The following RABGAP1L variants were observed in gnomAD, a reference collection of about 807,000 sequenced individuals.
RABGAP1L encodes the protein rab GTPase-activating protein 1-like.
Under a neutral mutation model 137.7 loss-of-function variants are expected in RABGAP1L, and 63 were observed. The ratio of observed to expected loss-of-function variants is 0.46; its 90% CI spans 0.37 to 0.56. The LOEUF (loss-of-function observed/expected upper bound fraction) is 0.56. RABGAP1L is among the 20% of genes least tolerant of loss of function. The pLI, the probability that RABGAP1L is intolerant of heterozygous loss-of-function variation, is 0.00. For missense variants in RABGAP1L, 1,095 were observed against 1,244.0 expected (o/e 0.88, Z 1.80); for synonymous variants, 431 against 433.7 (o/e 0.99, Z 0.08).
chr1:174,274,606 CTGTGTGTG>C (rs61468070), intron 8 of RABGAP1L, among the ~76,000 whole-genome samples: 13 of 146,058 alleles, frequency 8.9e-5, no homozygotes, highest in Non-Finnish European at 1.5e-4. Flanking sequence ...ACAGGTGACT[CTGTGTGTG>C]TGTGTGTGTG....
chr1:174,244,181 T>C (rs912828113), intron 5 of RABGAP1L: 2 of 152,244 alleles, frequency 1.3e-5, no homozygotes, highest in African/African-American at 4.8e-5. Flanking sequence ...TGAGTGCCTC[T>C]TGATGGGCAC....
chr1:174,535,752 A>G (rs891296082), intron 13 of RABGAP1L, among the ~76,000 whole-genome samples: 2 of 152,210 alleles, frequency 1.3e-5, no homozygotes, highest in Admixed American at 6.5e-5. Flanking sequence ...AATTGTAGTT[A>G]TGAAAAATGC....
intron 13 of RABGAP1L, among the ~76,000 whole-genome samples, chr1:174,557,859 G>A (rs543215896): frequency 4.6e-5 from 7 of 152,274 alleles, no homozygotes; most frequent in South Asian, 2.1e-4. Flanking sequence ...AAGATGATGC[G>A]GCCATGGAAA....
At chr1:174,540,284 G>A (rs772038653) in intron 13 of RABGAP1L, among the ~76,000 whole-genome samples, 1 of 152,146 alleles carries the variant, frequency 6.6e-6, no homozygotes, top group Non-Finnish European at 1.5e-5. Flanking sequence ...TTGTGCAGAA[G>A]CTCTTTAGTT....
intron 14 of RABGAP1L, among the ~76,000 whole-genome samples, chr1:174,640,384 T>G (rs1674433256): frequency 6.6e-6 from 1 of 152,156 alleles, no homozygotes; most frequent in South Asian, 2.1e-4. Flanking sequence ...TTTTCTTTGC[T>G]TTTTGTATCC....
At chr1:174,909,509 G>C (rs1659708092) in intron 19 of RABGAP1L, among the ~76,000 whole-genome samples, 1 of 152,172 alleles carries the variant, frequency 6.6e-6, no homozygotes. Context: ...TTATAGGCAT[G>C]AGCCACTGTG....
intron 19 of RABGAP1L, among the ~76,000 whole-genome samples, chr1:174,936,023 T>G (rs921676531): frequency 4.8e-5 from 7 of 145,368 alleles, no homozygotes; most frequent in Non-Finnish European, 1.1e-4. Context: ...TAAGTCTTGA[T>G]AAGCACACTT....
chr1:174,742,078 G>A (rs1572994905), intron 17 of RABGAP1L, among the ~76,000 whole-genome samples: 1 of 50,854 alleles, frequency 2.0e-5, no homozygotes, highest in African/African-American at 3.3e-4. Context: ...AGGAGGGGGA[G>A]GGGGGAGGAG....
intron 13 of RABGAP1L, among the ~76,000 whole-genome samples, chr1:174,490,605 A>G (rs1572031947): frequency 1.3e-5 from 2 of 152,136 alleles, no homozygotes; most frequent in Admixed American, 1.3e-4. Flanking sequence ...TGAAGGCCCT[A>G]GGGCTCTACA....
At chr1:174,946,932 ATATATATATGTGTGTGTG>A (rs1414448067) in intron 19 of RABGAP1L, among the ~76,000 whole-genome samples, 3 of 71,800 alleles carry the variant, frequency 4.2e-5, no homozygotes, top group African/African-American at 1.3e-4. Context: ...ATATATATAT[ATATATATATGTGTGTGTG>A]TGTGTGTGTG....
At chr1:174,790,364 C>T (rs1393164330) in intron 18 of RABGAP1L, among the ~76,000 whole-genome samples, 1 of 152,108 alleles carries the variant, frequency 6.6e-6, no homozygotes, top group African/African-American at 2.4e-5. Context: ...TGGCTAATGC[C>T]TGTAATCCTA....
At chr1:174,264,216 T>C in intron 7 of RABGAP1L, among the ~76,000 whole-genome samples, 1 of 152,210 alleles carries the variant, frequency 6.6e-6, no homozygotes, top group Non-Finnish European at 1.5e-5. Context: ...CCCTGGTATT[T>C]TTTAAATTTT....
At chr1:174,516,785 A>G (rs1662898685) in intron 13 of RABGAP1L, among the ~76,000 whole-genome samples, 1 of 151,942 alleles carries the variant, frequency 6.6e-6, no homozygotes, top group African/African-American at 2.4e-5. Context: ...GAACCCAAGA[A>G]TTTGAACGGT....
rs1553295730 is a variant in RABGAP1L, at chr1:174,962,205, C to CA, written c.2433+4656_2433+4657insA. On this transcript the variant is annotated intron_variant, in intron 20 of 25. Transcript: ENST00000681986. ...ATAAAAATAAAAATACACCCCCCCC[C>CA]CACACACACACACAGCTAGTTAATT... 2.4e-3 allele frequency among the ~76,000 whole-genome samples: 325 copies of CA among 136,810 alleles called. 26 individuals carry two copies. The highest frequency in any genetic ancestry group is 6.6e-3 in the African/African-American group (224 of 33,694). 89.8% of individuals were successfully genotyped at this position (136,810 alleles called of 152,430 possible).
At chr1:174,375,146 T>G (rs4651016) in intron 12 of RABGAP1L, among the ~76,000 whole-genome samples, 31,732 of 151,958 alleles carry the variant, frequency 0.21, 3,663 homozygotes, top group Admixed American at 0.24. Flanking sequence ...TCATTACATT[T>G]TCTACATGGC....
At chr1:174,612,162 TG>T (rs1467860055) in intron 13 of RABGAP1L, among the ~76,000 whole-genome samples, 1 of 152,214 alleles carries the variant, frequency 6.6e-6, no homozygotes, top group Non-Finnish European at 1.5e-5. Context: ...TTCCAGTTTT[TG>T]CCCATTCAGT....
chr1:174,904,544 C>T (rs1372859024), intron 19 of RABGAP1L, among the ~76,000 whole-genome samples: 1 of 152,232 alleles, frequency 6.6e-6, no homozygotes, highest in African/African-American at 2.4e-5. Flanking sequence ...TCATCCCTAG[C>T]TCTGAAAACT....
intron 13 of RABGAP1L, among the ~76,000 whole-genome samples, chr1:174,398,229 T>C (rs960140031): frequency 6.6e-6 from 1 of 152,172 alleles, no homozygotes; most frequent in African/African-American, 2.4e-5. Flanking sequence ...TACATAGGCA[T>C]GATTGATTGG....
At chr1:174,341,982 C>T (rs1443183089) in intron 11 of RABGAP1L, among the ~76,000 whole-genome samples, 1 of 152,098 alleles carries the variant, frequency 6.6e-6, no homozygotes, top group Non-Finnish European at 1.5e-5. Context: ...CTAAATGTTA[C>T]AGTTTTTCAT....
Sources: allele counts gnomAD v4.1 joint callset (sites outside exome capture counted in the v4.1 genomes callset), GRCh38; gene constraint gnomAD v4.1.1; transcripts MANE v1.5; gene names NCBI Gene and HGNC (gene_info 2026-07-23, HGNC 2026-07-21).